FANCC: variants seen among roughly 807,000 people sequenced by gnomAD.
The protein encoded by FANCC is FA complementation group C.
Under a neutral mutation model 71.3 loss-of-function variants are expected in FANCC, and 55 were observed. The ratio of observed to expected loss-of-function variants is 0.77; its 90% confidence interval spans 0.62 to 0.97. The LOEUF (loss-of-function observed/expected upper bound fraction) is 0.97, where lower values mean the gene tolerates loss of function less well. FANCC is among the 50% of genes least tolerant of loss of function. FANCC has a pLI of 0.00. For missense variants in FANCC, 678 were observed against 670.9 expected (o/e 1.01, Z -0.12); for synonymous variants, 275 against 244.9 (o/e 1.12, Z -1.15).
Position 95,187,731 on chromosome 9 carries a change from C to G in FANCC, c.346-15584G>C, listed in dbSNP as rs555779547. ...ATCTCCTGTGCACTAGGGAAAGAAC[C>G]AGGAGAGGACAGCATAGGGGGAAGC... On this transcript the variant is annotated intron_variant, in intron 4 of 14. Transcript: ENST00000289081. Among the ~76,000 whole-genome samples, 22 of 152,046 alleles carry G rather than the reference C, an allele frequency of 1.4e-4. No homozygotes were observed. In the South Asian group the frequency reaches 4.2e-3, roughly 29 times the overall value.
chr9:95,302,097 A>AG (rs368559885), intron 1 of FANCC, among the ~76,000 whole-genome samples: 7 of 150,740 alleles, frequency 4.6e-5, no homozygotes, highest in Non-Finnish European at 1.0e-4. Context: ...AAAAAAAAAA[A>AG]CAAAGAAAAA....
intron 4 of FANCC, among the ~76,000 whole-genome samples, chr9:95,197,169 A>C (rs1827507144): frequency 6.6e-6 from 1 of 152,138 alleles, no homozygotes; most frequent in Non-Finnish European, 1.5e-5. Context: ...CAATATTTCC[A>C]CACAATTTCA....
intron 1 of FANCC, among the ~76,000 whole-genome samples, chr9:95,276,951 AC>A (rs1833077054): frequency 6.6e-6 from 1 of 152,198 alleles, no homozygotes; most frequent in South Asian, 2.1e-4. Context: ...GAAACAAAAA[AC>A]ATCATTCTAT....
rs1377995892 is a variant in FANCC, at chr9:95,220,146, T to C, written c.345+20503A>G. On this transcript the variant is annotated intron_variant, in intron 4 of 14. Transcript: ENST00000289081. ...TCGTCATCACTGGTCATCAGAGAAA[T>C]GCAAATCAAAACCACAATGAGATAC... Among the ~76,000 whole-genome samples the C allele has an allele frequency of 2.6e-5, 4 of 152,090 alleles. No individual in the cohort carries two copies. In the East Asian group the frequency reaches 7.7e-4, roughly 29 times the overall value.
chr9:95,145,096 T>C (rs1243010117), intron 7 of FANCC, among the ~76,000 whole-genome samples: 1 of 152,264 alleles, frequency 6.6e-6, no homozygotes, highest in Non-Finnish European at 1.5e-5. Flanking sequence ...TCCTGGATTA[T>C]AACCTTTCAT....
At chr9:95,143,844 G>C (rs529826146) in intron 7 of FANCC, among the ~76,000 whole-genome samples, 2 of 152,160 alleles carry the variant, frequency 1.3e-5, no homozygotes, top group South Asian at 4.1e-4. Context: ...GGCAGCCCCA[G>C]GGACAGACAT....
chr9:95,309,014 G>C (rs959492217), intron 1 of FANCC, among the ~76,000 whole-genome samples: 23 of 151,934 alleles, frequency 1.5e-4, no homozygotes, highest in Admixed American at 1.5e-3. Flanking sequence ...CTCGAAAAAA[G>C]AAAAAGATAT....
intron 8 of FANCC, chr9:95,126,813 A>G: frequency 2.0e-6 from 1 of 510,974 alleles, no homozygotes; most frequent in Non-Finnish European, 3.5e-6. Flanking sequence ...ATACTCCTGT[A>G]TGTCCCACAT....
intron 1 of FANCC, among the ~76,000 whole-genome samples, chr9:95,251,704 C>T (rs569863615): frequency 4.6e-5 from 7 of 152,160 alleles, no homozygotes; most frequent in South Asian, 4.2e-4. Context: ...TTAGTAATAT[C>T]TCATTTTATA....
intron 6 of FANCC, among the ~76,000 whole-genome samples, chr9:95,161,274 G>A (rs541104061): frequency 3.3e-5 from 5 of 152,304 alleles, no homozygotes; most frequent in African/African-American, 1.2e-4. Flanking sequence ...CAGGAAGGAG[G>A]AAGGAGGAAG....
In FANCC at chr9:95,292,838, C is replaced by G. The variant is rs899986117; in HGVS notation, c.-79+24688G>C. 3.2e-6 allele frequency: 5 copies of G among 1,584,558 alleles called. No individual in the cohort carries two copies. The African/African-American group carries it at 6.7e-5, about 21-fold the overall frequency. On this transcript the variant is annotated intron_variant, in intron 1 of 14. Transcript: ENST00000289081. The stretch of plus-strand genomic sequence containing the variant: ...ATGCTGAGAAGAAGCACAAATGTAG[C>G]AAGTGCAGCAATTCGTACGGTACAG...
At chr9:95,157,810 C>T (rs886083510) in intron 6 of FANCC, among the ~76,000 whole-genome samples, 1 of 152,158 alleles carries the variant, frequency 6.6e-6, no homozygotes, top group Non-Finnish European at 1.5e-5. Flanking sequence ...TACCCAAGAA[C>T]TACCTGTCTT....
chr9:95,173,325 T>C (rs1254265117), intron 4 of FANCC, among the ~76,000 whole-genome samples: 4 of 152,310 alleles, frequency 2.6e-5, no homozygotes, highest in East Asian at 1.9e-4. Context: ...ATCATGAAGC[T>C]TGGACTTCCA....
chr9:95,231,799 T>A (rs992147199), intron 4 of FANCC, among the ~76,000 whole-genome samples: 2 of 152,290 alleles, frequency 1.3e-5, no homozygotes, highest in East Asian at 3.9e-4. Context: ...AGTTATAACA[T>A]GGAATAAAGG....
At chr9:95,227,718 T>C (rs1273020158) in intron 4 of FANCC, among the ~76,000 whole-genome samples, 1 of 152,230 alleles carries the variant, frequency 6.6e-6, no homozygotes, top group Non-Finnish European at 1.5e-5. Context: ...CCAAGTTAAG[T>C]GAATTCTTTA....
At chr9:95,138,606 G>A (rs765667191) in intron 7 of FANCC, among the ~76,000 whole-genome samples, 16 of 152,146 alleles carry the variant, frequency 1.1e-4, no homozygotes, top group Admixed American at 3.3e-4. Context: ...CATGTAACAC[G>A]AATCTGTATG....
At position 95,240,694 on chromosome 9, in the gene FANCC, T is replaced by C. The variant is rs1270552296; in HGVS notation, c.300A>G (p.Lys100=). Residue 100 remains lysine, a synonymous_variant, in exon 4 of 15, where the codon AAA becomes AAG. Transcript: ENST00000289081. ...TTGATTGTCCAGAATTCTGTGGTTC[T>C]TTGTTAATTAGACAACATAAGCACC... ...LIWCLCCLIN[K]EPQNSGQSKL... 6.2e-7 allele frequency: 1 copy of C among 1,613,500 alleles called. No individual in the cohort carries two copies. Among genetic ancestry groups the C allele is most frequent in the East Asian group, 2.2e-5 (1 of 44,760 alleles).
At chr9:95,153,883 T>A (rs915013383) in intron 6 of FANCC, among the ~76,000 whole-genome samples, 20 of 152,232 alleles carry the variant, frequency 1.3e-4, no homozygotes, top group African/African-American at 4.6e-4. Flanking sequence ...GAAATTACTT[T>A]CAACCCTAAT....
chr9:95,280,642 G>C (rs1323430488), intron 1 of FANCC, among the ~76,000 whole-genome samples: 1 of 152,160 alleles, frequency 6.6e-6, no homozygotes, highest in Admixed American at 6.5e-5. Context: ...TGTGGAAACT[G>C]AACAAGGCAC....
Sources: allele counts gnomAD v4.1 joint callset (sites outside exome capture counted in the v4.1 genomes callset), GRCh38; gene constraint gnomAD v4.1.1; transcripts MANE v1.5; gene names NCBI Gene and HGNC (gene_info 2026-07-23, HGNC 2026-07-21).